M1AP: variants seen among roughly 807,000 people sequenced by gnomAD.
M1AP encodes meiosis 1 associated protein, also known as meiosis 1 arrest protein.
M1AP carries 39 observed loss-of-function variants against 51.2 expected under a neutral mutation model. The observed-to-expected ratio is 0.76, with a 90% CI of 0.59 to 1.00. The LOEUF is 1.00. Among genes scored for constraint, M1AP ranks in the 50% least tolerant of loss-of-function variants. The pLI, the probability that M1AP is intolerant of heterozygous loss-of-function variation, is 0.00. For synonymous variants in M1AP, 251 were observed against 249.2 expected (o/e 1.01, Z -0.07); for missense variants, 545 against 641.2 (o/e 0.85, Z 1.62).
At chr2:74,608,705 A>G (rs1681155482) in intron 3 of M1AP, among the ~76,000 whole-genome samples, 3 of 152,252 alleles carry the variant, frequency 2.0e-5, no homozygotes, top group Non-Finnish European at 4.4e-5. Context: ...CCCATCAGCA[A>G]TGAAGGAGAG....
At chr2:74,591,430 A>T (rs1310802352) in intron 4 of M1AP, among the ~76,000 whole-genome samples, 1 of 152,242 alleles carries the variant, frequency 6.6e-6, no homozygotes. Context: ...AGGGACTAAT[A>T]CATATATTCT....
At chr2:74,577,236 C>A (rs918864565) in intron 5 of M1AP, among the ~76,000 whole-genome samples, 6 of 152,160 alleles carry the variant, frequency 3.9e-5, no homozygotes, top group African/African-American at 1.4e-4. Context: ...TTAGGACCTT[C>A]TGGGCCTTGG....
intron 2 of M1AP, among the ~76,000 whole-genome samples, chr2:74,627,054 T>C (rs544526674): frequency 3.9e-4 from 60 of 152,322 alleles, no homozygotes; most frequent in South Asian, 1.2e-3. Context: ...AACTGACATC[T>C]GAGTCTTCCC....
chr2:74,644,532 C>T (rs777936009), intron 1 of M1AP, among the ~76,000 whole-genome samples: 2 of 148,044 alleles, frequency 1.4e-5, no homozygotes, highest in Admixed American at 6.7e-5. Flanking sequence ...CGCGAGACCC[C>T]GTCTCAAAAA....
rs528553627 is a variant in M1AP at position 74,648,318 on chromosome 2, C to A, written c.-106G>T. 1.1e-4 allele frequency: 111 copies of A among 985,578 alleles called. No homozygotes were observed. In the African/African-American group the frequency reaches 1.7e-3, roughly 15 times the overall value. The allele number at this position is 985,578 out of a possible 1,614,324, so 61.1% of individuals were successfully genotyped here. ...CCTGGTCCTCCCGGCTCTCAGCGTG[C>A]GCCCGCGCGTTCGGAGGCGCCCCCC... On this transcript the variant is annotated 5_prime_UTR_variant, in exon 1 of 11. Coordinates refer to ENST00000421985, the MANE Select transcript of M1AP (RefSeq NM_001321739.2).
At chr2:74,633,352 C>T (rs751106739) in intron 2 of M1AP, among the ~76,000 whole-genome samples, 11 of 152,084 alleles carry the variant, frequency 7.2e-5, no homozygotes, top group Non-Finnish European at 1.3e-4. Flanking sequence ...GTCAGTTTGG[C>T]GAGAATCCCC....
chr2:74,622,468 C>T (rs1364555449), intron 2 of M1AP, among the ~76,000 whole-genome samples: 1 of 151,464 alleles, frequency 6.6e-6, no homozygotes, highest in African/African-American at 2.4e-5. Context: ...AAATTCCTGA[C>T]AGGTGATCTG....
intron 10 of M1AP, among the ~76,000 whole-genome samples, 192 bp downstream of exon 10, chr2:74,559,506 A>G (rs1174557384): frequency 6.6e-6 from 1 of 152,204 alleles, no homozygotes; most frequent in Admixed American, 6.6e-5. Flanking sequence ...AAACTGAGAA[A>G]AAGTTAATAA....
intron 7 of M1AP, among the ~76,000 whole-genome samples, chr2:74,573,927 T>G (rs1678901512): frequency 6.6e-6 from 1 of 152,208 alleles, no homozygotes; most frequent in African/African-American, 2.4e-5. Flanking sequence ...TCCCATGTGA[T>G]GTATCATCTC....
chr2:74,622,303 G>T (rs1365711877), intron 2 of M1AP, among the ~76,000 whole-genome samples: 1 of 151,788 alleles, frequency 6.6e-6, no homozygotes, highest in Non-Finnish European at 1.5e-5. Context: ...GCAGTGGCAC[G>T]ATCTTGGCTC....
chr2:74,633,537 C>T (rs1450977888), intron 2 of M1AP, among the ~76,000 whole-genome samples: 2 of 152,088 alleles, frequency 1.3e-5, no homozygotes, highest in Non-Finnish European at 2.9e-5. Context: ...CCACTGATCC[C>T]CACAGGCTCC....
At chr2:74,575,914 G>A (rs1275974002) in intron 6 of M1AP, among the ~76,000 whole-genome samples, 1 of 152,180 alleles carries the variant, frequency 6.6e-6, no homozygotes, top group Non-Finnish European at 1.5e-5. Context: ...GAGTGCAGTG[G>A]TTCAATTAAC....
intron 5 of M1AP, 96 bp from the exon 6 acceptor site, chr2:74,576,714 T>G: frequency 7.2e-7 from 1 of 1,389,082 alleles, no homozygotes; most frequent in Non-Finnish European, 9.9e-7. Flanking sequence ...AGAGACAACA[T>G]CTGCTACCCA....
At chr2:74,642,493 A>G (rs1298269777) in intron 1 of M1AP, among the ~76,000 whole-genome samples, 1 of 152,252 alleles carries the variant, frequency 6.6e-6, no homozygotes, top group African/African-American at 2.4e-5. Context: ...GACAAAATAT[A>G]TTTACAAAAA....
intron 7 of M1AP, among the ~76,000 whole-genome samples, chr2:74,568,847 C>T (rs965872857): frequency 6.6e-6 from 1 of 152,218 alleles, no homozygotes; most frequent in African/African-American, 2.4e-5. Flanking sequence ...AGCAGGACTG[C>T]AGCCCAGCCT....
intron 4 of M1AP, among the ~76,000 whole-genome samples, chr2:74,601,928 A>G (rs946144142): frequency 2.0e-5 from 3 of 152,166 alleles, no homozygotes; most frequent in African/African-American, 4.8e-5. Context: ...CAGCATTTAG[A>G]CTGATTGAAG....
chr2:74,613,787 C>T (rs991318899), intron 3 of M1AP, among the ~76,000 whole-genome samples: 6 of 152,126 alleles, frequency 3.9e-5, no homozygotes, highest in African/African-American at 7.2e-5. Context: ...AATTTTCCCC[C>T]GATGTTTACA....
chr2:74,590,863 G>C (rs1331650758), intron 4 of M1AP, among the ~76,000 whole-genome samples: 1 of 152,166 alleles, frequency 6.6e-6, no homozygotes, highest in African/African-American at 2.4e-5. Context: ...ATCTACCTCT[G>C]TACCCACAGC....
intron 5 of M1AP, among the ~76,000 whole-genome samples, chr2:74,581,464 G>A (rs1394536009): frequency 2.0e-5 from 3 of 152,166 alleles, no homozygotes. Flanking sequence ...GCCCTTGCTG[G>A]TTGGGCTTAA....
Sources: allele counts gnomAD v4.1 joint callset (sites outside exome capture counted in the v4.1 genomes callset), GRCh38; gene constraint gnomAD v4.1.1; transcripts MANE v1.5; gene names NCBI Gene and HGNC (gene_info 2026-07-23, HGNC 2026-07-21).